The following DLGAP2 variants were observed in gnomAD, a reference collection of about 807,000 sequenced individuals.
DLGAP2 encodes DLG associated protein 2.
In DLGAP2, 26 loss-of-function variants were observed where a neutral mutation model predicts 100.3. The ratio of observed to expected loss-of-function variants is 0.26; its 90% CI spans 0.19 to 0.36. DLGAP2 has a LOEUF of 0.36. Among genes scored for constraint, DLGAP2 ranks in the 10% least tolerant of loss-of-function variants. The probability of loss-of-function intolerance (pLI) is 1.00; values close to 1 mark genes in which losing one functional copy is unlikely to be tolerated. For synonymous variants in DLGAP2, 886 were observed against 630.1 expected (o/e 1.41, Z -6.08); for missense variants, 1,858 against 1,453.2 (o/e 1.28, Z -4.53).
intron 2 of DLGAP2, among the ~76,000 whole-genome samples, chr8:1,232,582 T>C (rs1173870703): frequency 6.6e-6 from 1 of 152,254 alleles, no homozygotes; most frequent in Non-Finnish European, 1.5e-5. Context: ...GAACGACTTA[T>C]CCTTTACATT....
intron 3 of DLGAP2, among the ~76,000 whole-genome samples, chr8:1,465,154 A>C (rs112654869): frequency 0.013 from 1,925 of 152,282 alleles, 26 homozygotes; most frequent in Non-Finnish European, 0.019. Context: ...ACCACCCACG[A>C]CTTTGGATGC....
chr8:1,070,915 G>A (rs557452687), intron 2 of DLGAP2, among the ~76,000 whole-genome samples: 36 of 152,326 alleles, frequency 2.4e-4, no homozygotes, highest in African/African-American at 7.9e-4. Flanking sequence ...TTGGCTCCAG[G>A]ATCAGGAGGC....
intron 2 of DLGAP2, among the ~76,000 whole-genome samples, chr8:912,172 C>T (rs1009637785): frequency 9.9e-5 from 15 of 152,144 alleles, no homozygotes; most frequent in African/African-American, 2.9e-4. Flanking sequence ...ATTACCCATG[C>T]AAACTTTGAT....
intron 1 of DLGAP2, among the ~76,000 whole-genome samples, chr8:782,636 C>G (rs998182843): frequency 6.6e-6 from 1 of 152,178 alleles, no homozygotes; most frequent in Non-Finnish European, 1.5e-5. Flanking sequence ...GACCTGAAGG[C>G]AGAGTTTATG....
intron 2 of DLGAP2, among the ~76,000 whole-genome samples, chr8:1,008,723 C>T (rs1476826676): frequency 2.0e-5 from 3 of 152,212 alleles, no homozygotes; most frequent in African/African-American, 2.4e-5. Context: ...ATGCCAGGGC[C>T]GGTTCCCCGC....
chr8:1,159,749 A>G (rs1796854866), intron 2 of DLGAP2, among the ~76,000 whole-genome samples: 1 of 152,226 alleles, frequency 6.6e-6, no homozygotes, highest in Non-Finnish European at 1.5e-5. Context: ...GATTTCAGTC[A>G]TACATTGAAA....
chr8:1,128,994 C>T (rs895389821), intron 2 of DLGAP2, among the ~76,000 whole-genome samples: 3 of 152,218 alleles, frequency 2.0e-5, no homozygotes, highest in African/African-American at 7.2e-5. Flanking sequence ...ACTTACAATT[C>T]TTTGCCCACT....
intron 3 of DLGAP2, among the ~76,000 whole-genome samples, chr8:1,290,134 C>A (rs536148666): frequency 6.6e-6 from 1 of 152,174 alleles, no homozygotes; most frequent in African/African-American, 2.4e-5. Flanking sequence ...GAGGCTCTGA[C>A]TCTATTACAT....
At chr8:943,379 G>C (rs941833041) in intron 2 of DLGAP2, among the ~76,000 whole-genome samples, 1 of 152,216 alleles carries the variant, frequency 6.6e-6, no homozygotes, top group African/African-American at 2.4e-5. Flanking sequence ...TTATGCACCG[G>C]ACACTTTGGT....
At chr8:768,887 G>A (rs1280077436) in intron 1 of DLGAP2, among the ~76,000 whole-genome samples, 1 of 152,142 alleles carries the variant, frequency 6.6e-6, no homozygotes, top group Non-Finnish European at 1.5e-5. Context: ...TCAGGAGAAC[G>A]CAGTCTGTGT....
chr8:1,508,897 C>T (rs1029024389), intron 4 of DLGAP2, among the ~76,000 whole-genome samples: 1 of 152,044 alleles, frequency 6.6e-6, no homozygotes, highest in African/African-American at 2.4e-5. Flanking sequence ...CTAATATTGC[C>T]ACATTCTCAA....
chr8:1,359,151 G>C (rs540889839), intron 3 of DLGAP2, among the ~76,000 whole-genome samples: 58 of 152,286 alleles, frequency 3.8e-4, no homozygotes, highest in African/African-American at 1.3e-3. Context: ...TCTAGGCCAC[G>C]TATCCCTGCA....
intron 1 of DLGAP2, among the ~76,000 whole-genome samples, chr8:783,543 C>T (rs1023960184): frequency 1.3e-5 from 2 of 152,140 alleles, no homozygotes; most frequent in Non-Finnish European, 2.9e-5. Context: ...TGGTGCTCAC[C>T]GTTCAGTGGC....
intron 4 of DLGAP2, among the ~76,000 whole-genome samples, chr8:1,515,166 G>T (rs1020706624): frequency 2.0e-5 from 3 of 152,170 alleles, no homozygotes; most frequent in Admixed American, 6.5e-5. Context: ...AGGCAGCCTT[G>T]GAAATCACGG....
intron 3 of DLGAP2, among the ~76,000 whole-genome samples, chr8:1,367,750 C>G (rs1802140969): frequency 1.3e-5 from 2 of 152,238 alleles, no homozygotes; most frequent in African/African-American, 4.8e-5. Flanking sequence ...GCACGTCCTT[C>G]ACTGCAGTTC....
chr8:808,146 C>G (rs142306368), intron 1 of DLGAP2, among the ~76,000 whole-genome samples: 2,016 of 152,266 alleles, frequency 0.013, 12 homozygotes, highest in Non-Finnish European at 0.022. Context: ...GCACGTGGGT[C>G]TTCGGCTTTC....
chr8:1,522,416 C>G (rs1311121209), intron 4 of DLGAP2, among the ~76,000 whole-genome samples: 1 of 152,218 alleles, frequency 6.6e-6, no homozygotes, highest in Non-Finnish European at 1.5e-5. Context: ...CCACAGGGGC[C>G]TGGGGGACCT....
At chr8:1,653,338 G>A (rs6991703) in intron 8 of DLGAP2, among the ~76,000 whole-genome samples, 1 of 152,002 alleles carries the variant, frequency 6.6e-6, no homozygotes, top group Admixed American at 6.5e-5. Flanking sequence ...CCCCGCTCAC[G>A]GGGAGGCTGC....
At chr8:893,245 C>T (rs2128995983) in intron 1 of DLGAP2, 1 of 152,270 alleles carries the variant, frequency 6.6e-6, no homozygotes, top group South Asian at 2.1e-4. Flanking sequence ...GAGTCCTGCC[C>T]TCCAGAGTCA....
Sources: allele counts gnomAD v4.1 joint callset (sites outside exome capture counted in the v4.1 genomes callset), GRCh38; gene constraint gnomAD v4.1.1; transcripts MANE v1.5; gene names NCBI Gene and HGNC (gene_info 2026-07-23, HGNC 2026-07-21).